WDR25: variants seen among roughly 807,000 people sequenced by gnomAD.
The protein encoded by WDR25 is WD repeat domain 25, also known as WD repeat-containing protein 25.
In WDR25, 35 loss-of-function variants were observed where a neutral mutation model predicts 47.7. The ratio of observed to expected loss-of-function variants is 0.73; its 90% CI spans 0.56 to 0.97. The LOEUF (loss-of-function observed/expected upper bound fraction) is 0.97. WDR25 is among the 50% of genes least tolerant of loss of function. The pLI is 0.00. For synonymous variants in WDR25, 248 were observed against 278.9 expected, an observed-to-expected ratio of 0.89 and a Z score of 1.10; for missense variants, 634 against 704.7, an observed-to-expected ratio of 0.90 and a Z score of 1.14.
intron 2 of WDR25, among the ~76,000 whole-genome samples, chr14:100,389,169 A>G (rs1442862825): frequency 1.3e-5 from 2 of 152,218 alleles, no homozygotes; most frequent in African/African-American, 2.4e-5. Flanking sequence ...TTGGGAAAAA[A>G]TGCAAGAAAA....
At chr14:100,458,612 C>T (rs1228219973) in intron 2 of WDR25, among the ~76,000 whole-genome samples, 1 of 152,088 alleles carries the variant, frequency 6.6e-6, no homozygotes, top group African/African-American at 2.4e-5. Flanking sequence ...AATATACATT[C>T]TTTTCAATTG....
At chr14:100,520,906 T>G (rs1039117028) in intron 4 of WDR25, among the ~76,000 whole-genome samples, 9 of 152,350 alleles carry the variant, frequency 5.9e-5, no homozygotes, top group Admixed American at 3.3e-4. Context: ...GCTTCAGGTC[T>G]TTTAAAAGAA....
chr14:100,525,946 G>A lies in WDR25; in HGVS notation c.1178G>A (p.Ser393Asn). The A allele has an allele frequency of 6.2e-7, 1 of 1,614,044 alleles. No homozygotes were observed. Among genetic ancestry groups the A allele is most frequent in the Non-Finnish European group, 8.5e-7 (1 of 1,179,974 alleles). The change falls in exon 5 of 7, where the codon AGC (serine) becomes AAC (asparagine). Residue 393 changes from serine (S) to asparagine (N), a missense_variant. Ser to Asn is a conservative substitution (Grantham distance 46). Coordinates refer to ENST00000402312, the MANE Select transcript of WDR25 (RefSeq NM_001161476.3). This position sits in a 1 kb window ranked among gnomAD's most constrained non-coding sequence, Gnocchi z 4.6. ...LFLREGSEFL[S>N]STDASTRDSA... The stretch of plus-strand genomic sequence containing the variant: ...CTCCGGGAAGGCTCCGAGTTCCTGA[G>A]CAGCACAGACGCTTCCACCCGGGAC...
chr14:100,509,019 G>A (rs1447938241), intron 4 of WDR25, among the ~76,000 whole-genome samples: 2 of 151,904 alleles, frequency 1.3e-5, no homozygotes, highest in African/African-American at 4.8e-5. Context: ...ATGTTAATGA[G>A]GATTATTGAT....
intron 2 of WDR25, among the ~76,000 whole-genome samples, chr14:100,395,452 C>T (rs1897236666): frequency 6.6e-6 from 1 of 152,130 alleles, no homozygotes. Context: ...TCCGTATGCC[C>T]CCTTTACAGA....
Position 100,381,393 on chromosome 14 carries a change from G to A in WDR25, c.469G>A (p.Val157Ile), listed in dbSNP as rs148611300. The stretch of plus-strand genomic sequence containing the variant: ...CCATGCTCAAAGTGAGTCTGAAACC[G>A]TAGGTAAAAATGGCAGCTCTTTTCA... ...SFHAQSESET[V>I]GKNGSSFQKK... is the part of the protein sequence containing the mutation. Residue 157 changes from valine (V) to isoleucine (I), a missense_variant, in exon 2 of 7, where the codon GTA becomes ATA. Physicochemically the swap from Val to Ile is conservative, Grantham distance 29. Coordinates refer to ENST00000402312, the MANE Select transcript of WDR25 (RefSeq NM_001161476.3). 1.3e-4 allele frequency: 209 copies of A among 1,614,214 alleles called. No homozygotes were observed. In the African/African-American group the frequency reaches 2.0e-3, roughly 16 times the overall value.
rs982467742 is a variant in WDR25 at position 100,424,192 on chromosome 14, C to G, written c.822+42446C>G. Among the ~76,000 whole-genome samples the G allele has an allele frequency of 1.3e-5, 2 of 152,196 alleles. No homozygotes were observed. Among genetic ancestry groups the G allele is most frequent in the African/African-American group, 2.4e-5 (1 of 41,444 alleles). ...CTCCCAGGCTGGCTGGGTGAGTGTT[C>G]CTGAGCCCAGGCACTTCGATGCCCA... is the stretch of plus-strand genomic sequence containing the variant. On this transcript the variant is annotated intron_variant, in intron 2 of 6. Coordinates refer to ENST00000402312, the MANE Select transcript of WDR25 (RefSeq NM_001161476.3). The surrounding 1 kb of genome is among the most constrained non-coding windows in gnomAD (Gnocchi z 4.2).
At chr14:100,475,251 G>A (rs8004090) in intron 3 of WDR25, among the ~76,000 whole-genome samples, 3,352 of 152,238 alleles carry the variant, frequency 0.022, 118 homozygotes, top group African/African-American at 0.076. Flanking sequence ...TAGAATTACC[G>A]TATGATCCTG....
chr14:100,463,693 C>G (rs941726795), intron 2 of WDR25, among the ~76,000 whole-genome samples: 3 of 152,180 alleles, frequency 2.0e-5, no homozygotes, highest in African/African-American at 7.2e-5. Context: ...TTTATACTGT[C>G]TGCTGTCTGT....
intron 2 of WDR25, among the ~76,000 whole-genome samples, chr14:100,401,367 C>T (rs1219115234): frequency 6.6e-6 from 1 of 152,228 alleles, no homozygotes; most frequent in East Asian, 1.9e-4. Flanking sequence ...TTGATTCGGG[C>T]ATCTCAGACC....
At chr14:100,520,763 C>G (rs999172824) in intron 4 of WDR25, among the ~76,000 whole-genome samples, 1 of 152,160 alleles carries the variant, frequency 6.6e-6, no homozygotes, top group Admixed American at 6.5e-5. Flanking sequence ...TTACAAGCAT[C>G]GGGCTCGTAT....
intron 2 of WDR25, among the ~76,000 whole-genome samples, chr14:100,436,785 A>G (rs551490831): frequency 6.6e-6 from 1 of 152,224 alleles, no homozygotes; most frequent in African/African-American, 2.4e-5. Flanking sequence ...TCATATGTGC[A>G]GAAGAGAGCG....
Position 100,423,392 on chromosome 14 carries a change from C to T in WDR25, c.822+41646C>T, listed in dbSNP as rs1898080269. On this transcript the variant is annotated intron_variant, in intron 2 of 6. Coordinates refer to ENST00000402312, the MANE Select transcript of WDR25 (RefSeq NM_001161476.3). ...CCCACGGGCTGGCTGTGGGCTTCCT[C>T]CTTGGGCCACATAGCACCCAATTAG... Among the ~76,000 whole-genome samples, 6 of 152,262 alleles carry T rather than the reference C, an allele frequency of 3.9e-5. No homozygotes were observed. In the South Asian group the frequency reaches 1.0e-3, roughly 26 times the overall value.
chr14:100,501,692 A>T (rs1900929660), intron 4 of WDR25, among the ~76,000 whole-genome samples: 1 of 152,118 alleles, frequency 6.6e-6, no homozygotes, highest in South Asian at 2.1e-4. Context: ...TGTGTAAGCC[A>T]CCCCAGGAGC....
chr14:100,466,616 A>T (rs760564261), intron 2 of WDR25, among the ~76,000 whole-genome samples: 3 of 151,978 alleles, frequency 2.0e-5, no homozygotes, highest in Admixed American at 6.5e-5. Flanking sequence ...TCTTATTCCC[A>T]CTTCAGGGAG....
At chr14:100,399,412 C>T (rs957053845) in intron 2 of WDR25, among the ~76,000 whole-genome samples, 2 of 151,114 alleles carry the variant, frequency 1.3e-5, no homozygotes, top group Non-Finnish European at 2.9e-5. Context: ...TTTCCTTTCT[C>T]TCTCATCCTT....
intron 5 of WDR25, 73 bp downstream of exon 5, chr14:100,526,113 G>A: frequency 6.6e-7 from 1 of 1,526,576 alleles, no homozygotes; most frequent in Non-Finnish European, 8.9e-7. Flanking sequence ...GTCTGTCTGA[G>A]GTCCCAGGTC....
chr14:100,510,772 T>TC (rs1346230307), intron 4 of WDR25, among the ~76,000 whole-genome samples: 1 of 132,960 alleles, frequency 7.5e-6, no homozygotes, highest in East Asian at 2.0e-4. Flanking sequence ...AATGTAAATT[T>TC]TTTTTTTTTT....
chr14:100,457,376 C>T (rs34925223), intron 2 of WDR25, among the ~76,000 whole-genome samples: 35,231 of 152,122 alleles, frequency 0.23, 4,326 homozygotes, highest in African/African-American at 0.29. Context: ...ATTGGAAATA[C>T]TGCCAGAAGA....
Sources: allele counts gnomAD v4.1 joint callset (sites outside exome capture counted in the v4.1 genomes callset), GRCh38; gene constraint gnomAD v4.1.1; non-coding constraint Gnocchi (gnomAD v3.1); transcripts MANE v1.5; gene names NCBI Gene and HGNC (gene_info 2026-07-23, HGNC 2026-07-21).